Variants in ENOX2 observed in about 807,000 individuals in gnomAD.
The protein encoded by ENOX2 is APK1 antigen.
In ENOX2, 36 loss-of-function variants were observed where a neutral mutation model predicts 45.0. The observed-to-expected ratio is 0.80, with a 90% confidence interval of 0.61 to 1.06. The LOEUF (loss-of-function observed/expected upper bound fraction) is 1.06. ENOX2 is among the 50% of genes least tolerant of loss of function. The probability of loss-of-function intolerance (pLI) is 0.00; values close to 1 mark genes in which losing one functional copy is unlikely to be tolerated. For missense variants in ENOX2, 423 were observed against 462.5 expected (o/e 0.91, Z 0.78); for synonymous variants, 174 against 152.3 (o/e 1.14, Z -1.05).
intron 2 of ENOX2, among the ~76,000 whole-genome samples, chrX:130,831,799 T>G (rs1377670107): frequency 1.8e-5 from 2 of 111,717 alleles, no homozygotes. Context: ...CAGCGACCTT[T>G]GTATATATTT....
rs141294711 is a variant in ENOX2, at chrX:130,695,692, C to T, written c.98-6674G>A. 6.5e-3 allele frequency among the ~76,000 whole-genome samples: 726 copies of T among 112,055 alleles called. 9 individuals carry two copies. The highest frequency in any genetic ancestry group is 0.022 in the African/African-American group (687 of 30,866). On this transcript the variant is annotated intron_variant, in intron 4 of 14. Transcript: ENST00000394363. ...GAAAGTTATGATTTCAATTGAGCTA[C>T]ATATTTCTGAGACATTATTGTTATT... is the stretch of plus-strand genomic sequence containing the variant.
At chrX:130,680,852 T>C (rs966966079) in intron 5 of ENOX2, among the ~76,000 whole-genome samples, 2 of 112,512 alleles carry the variant, frequency 1.8e-5, no homozygotes, top group Non-Finnish European at 3.8e-5. Context: ...CTGACTCTTA[T>C]CCAAGTTGGC....
rs202234270 is a variant in ENOX2, at chrX:130,863,951, TAATGTC to T, written c.-183+37727_-183+37732del. 9.1e-3 allele frequency among the ~76,000 whole-genome samples: 1,017 copies of T among 111,293 alleles called. 14 individuals are homozygous for T. The highest frequency in any genetic ancestry group is 0.031 in the African/African-American group (956 of 30,658). On this transcript the variant is annotated intron_variant, in intron 2 of 14. Coordinates refer to ENST00000394363, the MANE Select transcript of ENOX2 (RefSeq NM_006375.4). ...AGTATTGAAATTTAAGTGGAGTTGT[TAATGTC>T]AAACATTTTCTTCTGTCTTTCTGGG...
At chrX:130,754,685 T>C (rs918985920) in intron 3 of ENOX2, among the ~76,000 whole-genome samples, 3 of 109,394 alleles carry the variant, frequency 2.7e-5, no homozygotes, top group Non-Finnish European at 5.7e-5. Context: ...GAGCTAAACA[T>C]TGGGTACACA....
intron 2 of ENOX2, among the ~76,000 whole-genome samples, chrX:130,787,208 C>T (rs1263811275): frequency 8.9e-6 from 1 of 111,786 alleles, no homozygotes; most frequent in East Asian, 2.8e-4. Context: ...TTTTGTTTTG[C>T]ATTTGATAAT....
intron 2 of ENOX2, among the ~76,000 whole-genome samples, chrX:130,837,669 T>C (rs891891453): frequency 8.9e-5 from 10 of 111,732 alleles, no homozygotes; most frequent in African/African-American, 3.3e-4. Context: ...TGGGTTCATA[T>C]CCAGGTTCCC....
Position 130,652,299 on chromosome X carries a change from C to G in ENOX2, c.1129+4282G>C, listed in dbSNP as rs1365077445. ...GCCTCTCAGAACTGCTTTTTTCTAA[C>G]TCCTCTGCAAACTCCTCTTTCTTTC... On this transcript the variant is annotated intron_variant, in intron 10 of 14. Transcript: ENST00000394363. Among the ~76,000 whole-genome samples the G allele has an allele frequency of 8.9e-5, 10 of 111,897 alleles. No homozygotes were observed. In the Admixed American group the frequency reaches 9.5e-4, roughly 11 times the overall value.
chrX:130,862,719 A>G (rs1313369884), intron 2 of ENOX2, among the ~76,000 whole-genome samples: 2 of 111,611 alleles, frequency 1.8e-5, no homozygotes, highest in South Asian at 3.8e-4. Context: ...TAGGCACTCA[A>G]TAAGTATTTG....
rs1169753915 is a variant in ENOX2 at position 130,713,736 on chromosome X, T to TA, written c.-38-10483dup. ...GAACACCAAAAAGCATAGATGGGCCTAAAAAAAAAATGCTACCTGTCTCAG... is the reference window on the plus strand; with the variant it reads ...GAACACCAAAAAGCATAGATGGGCCTAAAAAAAAAAATGCTACCTGTCTCAG... On this transcript the variant is annotated intron_variant, in intron 3 of 14. Transcript: ENST00000394363. 4.7e-3 allele frequency among the ~76,000 whole-genome samples: 507 copies of TA among 107,153 alleles called. 5 individuals are homozygous for TA. Among genetic ancestry groups the TA allele is most frequent in the African/African-American group, 0.016 (476 of 29,690 alleles). The allele number at this position is 107,153 out of a possible 115,157, so 93.0% of individuals were successfully genotyped here.
chrX:130,641,873 A>G (rs1028120981), intron 10 of ENOX2, among the ~76,000 whole-genome samples: 2 of 111,650 alleles, frequency 1.8e-5, no homozygotes, highest in Non-Finnish European at 3.8e-5. Context: ...CTACTCAGAA[A>G]AGAATATTCC....
At chrX:130,888,455 T>C (rs754105423) in intron 2 of ENOX2, among the ~76,000 whole-genome samples, 7 of 112,093 alleles carry the variant, frequency 6.2e-5, no homozygotes, top group Non-Finnish European at 1.3e-4. Context: ...TCTGGCCAAG[T>C]CACTTAACTT....
intron 2 of ENOX2, among the ~76,000 whole-genome samples, chrX:130,862,502 T>TATAC (rs1484874980): frequency 9.1e-6 from 1 of 110,488 alleles, no homozygotes; most frequent in South Asian, 3.9e-4. Flanking sequence ...CCTATATATG[T>TATAC]ATACATACAT....
intron 3 of ENOX2, among the ~76,000 whole-genome samples, chrX:130,728,232 C>T (rs1305318117): frequency 1.8e-5 from 2 of 111,306 alleles, no homozygotes; most frequent in Non-Finnish European, 3.8e-5. Context: ...ATTTTTCAAG[C>T]ATGCAGCTCT....
At chrX:130,836,404 G>A (rs1482790441) in intron 2 of ENOX2, among the ~76,000 whole-genome samples, 1 of 110,572 alleles carries the variant, frequency 9.0e-6, no homozygotes, top group Non-Finnish European at 1.9e-5. Context: ...AATGTAGGCA[G>A]ACTCTGATTT....
At position 130,639,268 on chromosome X, in the gene ENOX2, T is replaced by C. The variant is rs765137667; in HGVS notation, c.1130-1858A>G. Among the ~76,000 whole-genome samples, 5 of 111,732 alleles carry C rather than the reference T, an allele frequency of 4.5e-5. 1 individual carries two copies. The highest frequency in any genetic ancestry group is 1.6e-4 in the African/African-American group (5 of 30,777). Reference sequence around the variant, plus strand: ...AGAACCTAACAGACCTGGGGGAAGATAAATGTCCAACTCCAGCCCCCTCAG... The same window carrying C: ...AGAACCTAACAGACCTGGGGGAAGACAAATGTCCAACTCCAGCCCCCTCAG... On this transcript the variant is annotated intron_variant, in intron 10 of 14. Transcript: ENST00000394363.
At chrX:130,812,805 T>C (rs1420545802) in intron 2 of ENOX2, among the ~76,000 whole-genome samples, 1 of 111,441 alleles carries the variant, frequency 9.0e-6, no homozygotes, top group African/African-American at 3.3e-5. Flanking sequence ...GAAAAATCAA[T>C]CCTGAAATTT....
intron 3 of ENOX2, among the ~76,000 whole-genome samples, chrX:130,752,899 A>G (rs76789898): frequency 0.012 from 1,350 of 109,504 alleles, 23 homozygotes; most frequent in African/African-American, 0.042. Context: ...CTGGCTCTGT[A>G]TGTATCTCCC....
chrX:130,642,471 A>G (rs2036115616), intron 10 of ENOX2, among the ~76,000 whole-genome samples: 1 of 112,569 alleles, frequency 8.9e-6, no homozygotes, highest in African/African-American at 3.2e-5. Context: ...AGGATTTAGA[A>G]TATTTCATAA....
intron 8 of ENOX2, among the ~76,000 whole-genome samples, chrX:130,666,003 G>A (rs1203603629): frequency 9.0e-6 from 1 of 111,124 alleles, no homozygotes; most frequent in African/African-American, 3.3e-5. Flanking sequence ...GGGTAAAATG[G>A]TAACAACTAG....
Sources: allele counts gnomAD v4.1 joint callset (sites outside exome capture counted in the v4.1 genomes callset), GRCh38; gene constraint gnomAD v4.1.1; transcripts MANE v1.5; gene names NCBI Gene and HGNC (gene_info 2026-07-23, HGNC 2026-07-21).